The following PDE11A variants were observed in gnomAD, a reference collection of about 807,000 sequenced individuals.
The protein encoded by PDE11A is dual 3',5'-cyclic-AMP and -GMP phosphodiesterase 11A.
PDE11A carries 100 observed loss-of-function variants against 100.5 expected under a neutral mutation model. That is an observed-to-expected ratio of 1.00 (90% confidence interval 0.85 to 1.18). The LOEUF (loss-of-function observed/expected upper bound fraction) is 1.18, where lower values mean the gene tolerates loss of function less well. PDE11A is among the 50% of genes most tolerant of loss of function. The probability of loss-of-function intolerance (pLI) is 0.00; values close to 1 mark genes in which losing one functional copy is unlikely to be tolerated. For synonymous variants in PDE11A, 381 were observed against 420.8 expected, an observed-to-expected ratio of 0.91 and a Z score of 1.16; for missense variants, 1,141 against 1,152.6, an observed-to-expected ratio of 0.99 and a Z score of 0.15.
intron 6 of PDE11A, among the ~76,000 whole-genome samples, chr2:177,820,822 T>A (rs531845698): frequency 1.3e-5 from 2 of 148,870 alleles, no homozygotes; most frequent in South Asian, 2.1e-4. Flanking sequence ...AAGATAGAGG[T>A]AGAGGTTTGA....
At chr2:177,797,837 A>T (rs1387532113) in intron 9 of PDE11A, among the ~76,000 whole-genome samples, 1 of 152,230 alleles carries the variant, frequency 6.6e-6, no homozygotes, top group Non-Finnish European at 1.5e-5. Context: ...AAAAAGTATG[A>T]TTATGAAATA....
intron 16 of PDE11A, chr2:177,675,863 A>G (rs2080765494): frequency 5.3e-5 from 21 of 393,318 alleles, no homozygotes; most frequent in South Asian, 4.3e-4. Flanking sequence ...TTTTTAAACT[A>G]TAAGCAAGAG....
chr2:177,663,778 T>G (rs1377640481), intron 19 of PDE11A, 88 bp downstream of exon 19: 1 of 809,692 alleles, frequency 1.2e-6, no homozygotes, highest in East Asian at 2.4e-5. Context: ...ACCCTGGAAA[T>G]GTCTCCTCAA....
At chr2:177,853,486 G>C (rs1183001748) in intron 5 of PDE11A, among the ~76,000 whole-genome samples, 1 of 151,022 alleles carries the variant, frequency 6.6e-6, no homozygotes, top group Admixed American at 6.6e-5. Flanking sequence ...AGGAGAAAAT[G>C]TGCCAGCTGG....
chr2:177,652,511 G>A (rs185826325), intron 19 of PDE11A, among the ~76,000 whole-genome samples: 3 of 152,262 alleles, frequency 2.0e-5, no homozygotes, highest in African/African-American at 7.2e-5. Context: ...TTTTTTTCCT[G>A]TAGTAAGGGG....
chr2:177,848,411 C>A (rs1227153868), intron 5 of PDE11A, among the ~76,000 whole-genome samples: 2 of 152,310 alleles, frequency 1.3e-5, no homozygotes, highest in South Asian at 2.1e-4. Context: ...ACAAAGTAGA[C>A]CTCCCTAAGC....
At chr2:178,003,135 T>A in intron 2 of PDE11A, among the ~76,000 whole-genome samples, 1 of 152,206 alleles carries the variant, frequency 6.6e-6, no homozygotes, top group East Asian at 1.9e-4. Flanking sequence ...CAAAACAGTC[T>A]GGTAGTTCCT....
At chr2:177,983,102 T>C (rs1472523702) in intron 2 of PDE11A, among the ~76,000 whole-genome samples, 1 of 149,800 alleles carries the variant, frequency 6.7e-6, no homozygotes, top group Non-Finnish European at 1.5e-5. Flanking sequence ...AAAATTTAAC[T>C]ATAAATCCAG....
At position 177,625,221 on chromosome 2, in the gene PDE11A, C is replaced by A. The variant is rs1273256310; in HGVS notation, c.*4186G>T. The A allele has an allele frequency of 6.6e-6, 1 of 152,530 alleles. No homozygotes were observed. The highest frequency in any genetic ancestry group is 1.5e-5 in the Non-Finnish European group (1 of 68,026). The allele number at this position is 152,530 out of a possible 1,614,324, so 9.4% of individuals were successfully genotyped here. On this transcript the variant is annotated 3_prime_UTR_variant, in exon 20 of 20. Transcript: ENST00000286063. ...TATGTCTTTATTAAGAAGATGACTGCTTTAGGTTTGTTGCTATTTTATTTG... is the reference window on the plus strand; with the variant it reads ...TATGTCTTTATTAAGAAGATGACTGATTTAGGTTTGTTGCTATTTTATTTG...
At chr2:177,814,064 A>C (rs1292965580) in intron 9 of PDE11A, among the ~76,000 whole-genome samples, 1 of 152,154 alleles carries the variant, frequency 6.6e-6, no homozygotes, top group Non-Finnish European at 1.5e-5. Flanking sequence ...GATAGGAATG[A>C]TAGAAGGGTA....
intron 9 of PDE11A, among the ~76,000 whole-genome samples, chr2:177,811,076 G>T (rs1574165681): frequency 6.6e-6 from 1 of 152,158 alleles, no homozygotes; most frequent in East Asian, 1.9e-4. Flanking sequence ...TTCATTTGCA[G>T]TAACTGTGAA....
intron 4 of PDE11A, among the ~76,000 whole-genome samples, chr2:177,884,330 G>T (rs2084392741): frequency 6.6e-6 from 1 of 152,142 alleles, no homozygotes; most frequent in South Asian, 2.1e-4. Flanking sequence ...GAATGATGTA[G>T]GTAACTCCCT....
intron 5 of PDE11A, among the ~76,000 whole-genome samples, chr2:177,874,025 T>G (rs1180833254): frequency 1.3e-5 from 2 of 152,154 alleles, no homozygotes; most frequent in Non-Finnish European, 2.9e-5. Flanking sequence ...TCTACTAAAC[T>G]TTCTAAGCCT....
intron 6 of PDE11A, among the ~76,000 whole-genome samples, chr2:177,832,462 T>G (rs2083325981): frequency 6.6e-6 from 1 of 152,122 alleles, no homozygotes; most frequent in African/African-American, 2.4e-5. Flanking sequence ...TTCCTCAGCT[T>G]TGGGATTCGG....
chr2:178,076,260 A>C (rs991287974), upstream of PDE11A, among the ~76,000 whole-genome samples: 7 of 152,046 alleles, frequency 4.6e-5, no homozygotes, highest in African/African-American at 1.7e-4. Context: ...AAGATAAAGG[A>C]GACTTCCTAT....
chr2:177,820,011 T>A (rs1053985650), intron 7 of PDE11A, among the ~76,000 whole-genome samples: 6 of 151,852 alleles, frequency 4.0e-5, no homozygotes, highest in African/African-American at 1.4e-4. Context: ...AATTTATTGG[T>A]TCTTTCAATT....
chr2:177,892,562 G>A (rs887222852), intron 4 of PDE11A, among the ~76,000 whole-genome samples: 2 of 152,224 alleles, frequency 1.3e-5, no homozygotes, highest in African/African-American at 4.8e-5. Context: ...GATTACTCCA[G>A]TTAAACTCAG....
chr2:177,700,418 A>C (rs959367499), intron 14 of PDE11A, among the ~76,000 whole-genome samples: 1 of 141,012 alleles, frequency 7.1e-6, no homozygotes, highest in East Asian at 2.1e-4. Flanking sequence ...AAAAAAAAAA[A>C]GTCTGTACGC....
chr2:177,850,400 A>G (rs1006838811), intron 5 of PDE11A, among the ~76,000 whole-genome samples: 1 of 152,172 alleles, frequency 6.6e-6, no homozygotes, highest in Non-Finnish European at 1.5e-5. Context: ...TGGATTAAAG[A>G]CTTAAATGTT....
Sources: allele counts gnomAD v4.1 joint callset (sites outside exome capture counted in the v4.1 genomes callset), GRCh38; gene constraint gnomAD v4.1.1; transcripts MANE v1.5; gene names NCBI Gene and HGNC (gene_info 2026-07-23, HGNC 2026-07-21).